The following IL23R variants were observed in gnomAD, a reference collection of about 807,000 sequenced individuals.
IL23R encodes interleukin-23 receptor.
Under a neutral mutation model 56.9 loss-of-function variants are expected in IL23R, and 34 were observed. The ratio of observed to expected loss-of-function variants is 0.60; its 90% confidence interval spans 0.45 to 0.80. The LOEUF (loss-of-function observed/expected upper bound fraction) is 0.80. Among genes scored for constraint, IL23R ranks in the 30% least tolerant of loss-of-function variants. The pLI, the probability that IL23R is intolerant of heterozygous loss-of-function variation, is 0.00. For synonymous variants in IL23R, 230 were observed against 249.2 expected, an observed-to-expected ratio of 0.92 and a Z score of 0.73; for missense variants, 635 against 730.0, an observed-to-expected ratio of 0.87 and a Z score of 1.50.
At chr1:67,248,661 G>A (rs1188391738) in intron 9 of IL23R, among the ~76,000 whole-genome samples, 1 of 152,116 alleles carries the variant, frequency 6.6e-6, no homozygotes, top group Admixed American at 6.5e-5. Flanking sequence ...TTGCTGGCGA[G>A]GAGTTGTGAT....
intron 9 of IL23R, among the ~76,000 whole-genome samples, chr1:67,254,582 G>A (rs1316697729): frequency 6.6e-6 from 1 of 152,054 alleles, no homozygotes; most frequent in African/African-American, 2.4e-5. Context: ...ATAAAGATGA[G>A]TAAAGAAATA....
At chr1:67,227,627 G>T (rs896245698) in intron 7 of IL23R, among the ~76,000 whole-genome samples, 1 of 152,084 alleles carries the variant, frequency 6.6e-6, no homozygotes, top group Non-Finnish European at 1.5e-5. Context: ...AAATATCAGT[G>T]CTATTAAATA....
chr1:67,184,778 C>A (rs1439888016), intron 4 of IL23R, among the ~76,000 whole-genome samples: 3 of 152,060 alleles, frequency 2.0e-5, no homozygotes, highest in African/African-American at 7.2e-5. Flanking sequence ...CCCTATACAA[C>A]CATGTGAAGC....
intron 8 of IL23R, among the ~76,000 whole-genome samples, chr1:67,238,999 A>G (rs767747647): frequency 3.3e-5 from 5 of 152,150 alleles, no homozygotes; most frequent in Admixed American, 6.5e-5. Flanking sequence ...GTAAGTACCC[A>G]ATAAACATTT....
At chr1:67,260,202 G>T (rs111851113), downstream of IL23R, among the ~76,000 whole-genome samples, 10 of 152,084 alleles carry the variant, frequency 6.6e-5, no homozygotes, top group Admixed American at 6.6e-4. Context: ...GACTAACAGC[G>T]CTGTGAAACA....
intron 1 of IL23R, among the ~76,000 whole-genome samples, chr1:67,158,026 G>A (rs531695343): frequency 6.6e-6 from 1 of 152,232 alleles, no homozygotes; most frequent in East Asian, 1.9e-4. Flanking sequence ...GACCAGCCTG[G>A]CCAACATGGT....
At chr1:67,144,988 G>A (rs1646667147) in intron 1 of IL23R, among the ~76,000 whole-genome samples, 1 of 152,130 alleles carries the variant, frequency 6.6e-6, no homozygotes, top group Non-Finnish European at 1.5e-5. Flanking sequence ...TCCCAAACTT[G>A]CTCCATCTCA....
At chr1:67,199,181 T>C (rs1345796856) in intron 4 of IL23R, among the ~76,000 whole-genome samples, 1 of 152,186 alleles carries the variant, frequency 6.6e-6, no homozygotes, top group Admixed American at 6.5e-5. Context: ...TCATGGAAGG[T>C]CTTCTGACAG....
chr1:67,144,245 C>T (rs1016276029), intron 1 of IL23R, among the ~76,000 whole-genome samples: 2 of 152,264 alleles, frequency 1.3e-5, no homozygotes, highest in South Asian at 2.1e-4. Context: ...TACAGAGCAG[C>T]GAAGCTCTTG....
intron 9 of IL23R, among the ~76,000 whole-genome samples, chr1:67,242,646 A>G (rs994883722): frequency 6.6e-6 from 1 of 152,192 alleles, no homozygotes; most frequent in Non-Finnish European, 1.5e-5. Context: ...TCAAGGTCCC[A>G]AAGTTTTGCT....
chr1:67,141,368 ATGGCC>A (rs1350717849), intron 1 of IL23R, among the ~76,000 whole-genome samples: 6 of 152,140 alleles, frequency 3.9e-5, no homozygotes, highest in African/African-American at 1.4e-4. Flanking sequence ...ACACTTCAAC[ATGGCC>A]AAAAGACTTT....
chr1:67,163,259 A>G (rs931474455), upstream of IL23R, among the ~76,000 whole-genome samples: 2 of 151,986 alleles, frequency 1.3e-5, no homozygotes, highest in African/African-American at 2.4e-5. Flanking sequence ...ACTTGAGATT[A>G]GGAGTTTGAG....
chr1:67,202,638 T>G (rs1327396444), intron 5 of IL23R, among the ~76,000 whole-genome samples: 1 of 152,144 alleles, frequency 6.6e-6, no homozygotes, highest in Non-Finnish European at 1.5e-5. Flanking sequence ...CATTAAAAAA[T>G]TTGAGATCAC....
intron 9 of IL23R, among the ~76,000 whole-genome samples, chr1:67,247,471 A>C (rs1222211911): frequency 6.6e-6 from 1 of 151,922 alleles, no homozygotes; most frequent in East Asian, 1.9e-4. Flanking sequence ...TGCCTGGCTA[A>C]TTTTGTATTT....
At chr1:67,212,198 AAC>A (rs1649525678) in intron 6 of IL23R, among the ~76,000 whole-genome samples, 1 of 152,224 alleles carries the variant, frequency 6.6e-6, no homozygotes, top group Non-Finnish European at 1.5e-5. Flanking sequence ...CACAACCACT[AAC>A]ACAGAAAAAG....
At chr1:67,154,310 CT>C (rs1333743552) in intron 1 of IL23R, among the ~76,000 whole-genome samples, 1 of 152,122 alleles carries the variant, frequency 6.6e-6, no homozygotes, top group East Asian at 1.9e-4. Flanking sequence ...CCTGAATATC[CT>C]TGTTAATTCT....
chr1:67,240,760 G>A (rs1651792308), intron 9 of IL23R, among the ~76,000 whole-genome samples: 1 of 152,222 alleles, frequency 6.6e-6, no homozygotes, highest in South Asian at 2.1e-4. Context: ...AGCAATGAAT[G>A]TGCGAATTGG....
At position 67,236,821 on chromosome 1, in the gene IL23R, G is replaced by A. The variant is rs1186811813; in HGVS notation, c.1045+19G>A. On this transcript the variant is annotated intron_variant, in intron 8 of 10. Transcript: ENST00000347310. ...ACTTCTGGTAAGAAAATACAACTTA[G>A]GCTTTTTGAGTAGTCTTTTAGTAAT... The A allele has an allele frequency of 1.3e-6, 2 of 1,495,016 alleles. No individual in the cohort carries two copies. The highest frequency in any genetic ancestry group is 1.7e-5 in the Admixed American group (1 of 59,854). The allele number at this position is 1,495,016 out of a possible 1,614,324, so 92.6% of individuals were successfully genotyped here. A position where few individuals can be genotyped will look rare whatever the true frequency, so the allele number is the denominator to read the frequency against.
At chr1:67,210,941 A>G (rs1649428448) in intron 6 of IL23R, among the ~76,000 whole-genome samples, 2 of 152,198 alleles carry the variant, frequency 1.3e-5, no homozygotes, top group South Asian at 4.1e-4. Context: ...GATTCTGAGT[A>G]TCGGTTTTGC....
Sources: gnomAD v4.1 joint callset for allele counts (sites outside exome capture counted in the v4.1 genomes callset) on GRCh38, gnomAD v4.1.1 for gene constraint, MANE v1.5 for transcripts, NCBI Gene and HGNC (gene_info 2026-07-23, HGNC 2026-07-21) for gene names.